MACF1: variants seen among roughly 807,000 people sequenced by gnomAD.
MACF1 encodes microtubule actin crosslinking factor 1.
MACF1 carries 193 observed loss-of-function variants against 854.8 expected under a neutral mutation model. That is an observed-to-expected ratio of 0.23 (90% CI 0.20 to 0.25). The LOEUF (loss-of-function observed/expected upper bound fraction) is 0.25. MACF1 is among the 10% of genes least tolerant of loss of function. The pLI is 1.00. For missense variants in MACF1, 7,722 were observed against 8,929.1 expected (o/e 0.86, Z 5.45); for synonymous variants, 3,185 against 3,226.7 (o/e 0.99, Z 0.44).
chr1:39,300,178 A>C (rs1646011055), intron 21 of MACF1, 32 bp from the exon 22 acceptor site: 5 of 1,608,988 alleles, frequency 3.1e-6, no homozygotes, highest in Middle Eastern at 1.7e-4. Flanking sequence ...TAGCAGCATT[A>C]ATGTCATTTT....
chr1:39,218,594 T>G (rs1351662988), intron 1 of MACF1, among the ~76,000 whole-genome samples: 1 of 152,204 alleles, frequency 6.6e-6, no homozygotes, highest in Non-Finnish European at 1.5e-5. Context: ...CTAAGAACTA[T>G]TGAGCTTTTC....
At chr1:39,390,333 C>T (rs1050471753) in intron 58 of MACF1, among the ~76,000 whole-genome samples, 1 of 152,210 alleles carries the variant, frequency 6.6e-6, no homozygotes. Context: ...GACACCAGCT[C>T]AGAGCCACGT....
At chr1:39,246,620 T>C (rs2148329025) in intron 2 of MACF1, among the ~76,000 whole-genome samples, 1 of 152,144 alleles carries the variant, frequency 6.6e-6, no homozygotes, top group South Asian at 2.1e-4. Context: ...GCGATTCTCC[T>C]GCCTCAGCCT....
chr1:39,429,340 T>C lies in MACF1; in HGVS notation c.16888+14T>C, dbSNP rs1157325709. 3.4e-6 allele frequency: 5 copies of C among 1,479,018 alleles called. No homozygotes were observed. In the Admixed American group the frequency reaches 5.1e-5, roughly 15 times the overall value. The allele number at this position is 1,479,018 out of a possible 1,614,324, so 91.6% of individuals were successfully genotyped here. ...AACAAACCACAGGTACTTTGAAAAG[T>C]GTGTCTCTTAGCACCCCTATGGTCT... On this transcript the variant is annotated intron_variant, in intron 64 of 100. Coordinates refer to ENST00000564288, the MANE Select transcript of MACF1 (RefSeq NM_001394062.1).
chr1:39,135,220 TA>T (rs913856051), intron 2 of MACF1, among the ~76,000 whole-genome samples: 2 of 152,164 alleles, frequency 1.3e-5, no homozygotes, highest in African/African-American at 4.8e-5. Context: ...ATAATATGAT[TA>T]TTTTTGGGTT....
intron 58 of MACF1, among the ~76,000 whole-genome samples, chr1:39,399,303 A>G (rs1168884272): frequency 1.3e-5 from 2 of 151,206 alleles, no homozygotes; most frequent in Non-Finnish European, 2.9e-5. Flanking sequence ...CAGTTACCCC[A>G]GACACTCCTT....
At chr1:39,284,584 A>G (rs1645609397) in intron 11 of MACF1, among the ~76,000 whole-genome samples, 156 bp downstream of exon 11, 1 of 152,162 alleles carries the variant, frequency 6.6e-6, no homozygotes, top group Non-Finnish European at 1.5e-5. Flanking sequence ...CTGGTCTTAA[A>G]ATGTTGTGGT....
In MACF1 at chr1:39,459,175, C is replaced by T. The variant is rs781565338; in HGVS notation, c.21286C>T (p.Arg7096Cys). The part of the protein sequence containing the change: ...KNPRINQLSA[R>C]WQQVWLLALE... ...CCCACGGATCAACCAGCTTTCTGCC[C>T]GCTGGCAGCAGGTGTGGCTGTTAGC... Residue 7096 changes from arginine to cysteine, a missense_variant, in exon 91 of 101, where the codon CGC becomes TGC. Coordinates refer to ENST00000564288, the MANE Select transcript of MACF1 (RefSeq NM_001394062.1). The T allele has an allele frequency of 5.6e-6, 9 of 1,614,116 alleles. No homozygotes were observed. Among genetic ancestry groups the T allele is most frequent in the East Asian group, 2.2e-5 (1 of 44,886 alleles).
Position 39,463,621 on chromosome 1 carries a change from C to G in MACF1, c.21688C>G (p.Gln7230Glu), listed in dbSNP as rs1401838478. 6.2e-7 allele frequency: 1 copy of G among 1,613,312 alleles called. No individual in the cohort carries two copies. Among genetic ancestry groups the G allele is most frequent in the South Asian group, 1.1e-5 (1 of 91,066 alleles). Residue 7230 changes from glutamine to glutamate, a missense_variant, in exon 94 of 101, where the codon CAA (glutamine) becomes GAA (glutamate). By Grantham distance (29) the Gln-to-Glu change is conservative. Coordinates refer to ENST00000564288, the MANE Select transcript of MACF1 (RefSeq NM_001394062.1). ...ADKIEDEVTR[Q>E]VAQCKCAKRF... Reference sequence around the variant, plus strand: ...TGTTCACACCCAATAGGTTACAAGACAAGTGGCTCAGTGCAAATGTGCAAA... The same window carrying G: ...TGTTCACACCCAATAGGTTACAAGAGAAGTGGCTCAGTGCAAATGTGCAAA...
intron 2 of MACF1, among the ~76,000 whole-genome samples, chr1:39,232,835 T>A (rs1342060991): frequency 6.6e-6 from 1 of 150,742 alleles, no homozygotes; most frequent in East Asian, 1.9e-4. Flanking sequence ...CAGGCTGGAG[T>A]ACATTGGGAA....
intron 1 of MACF1, among the ~76,000 whole-genome samples, chr1:39,211,436 A>T (rs2148276828): frequency 6.6e-6 from 1 of 152,280 alleles, no homozygotes; most frequent in African/African-American, 2.4e-5. Context: ...TAAATTTAAA[A>T]AAAATTTCAT....
In MACF1 at chr1:39,282,462, A is replaced by G. The variant is rs997143023; in HGVS notation, c.695+88A>G. On this transcript the variant is annotated intron_variant, in intron 7 of 100. Coordinates refer to ENST00000564288, the MANE Select transcript of MACF1 (RefSeq NM_001394062.1). ...TTATAATACTGTTTCCATCTCCTCA[A>G]TCAAAAATCAAAGCTTTGATTCATT... 7 of 1,301,480 alleles carry G rather than the reference A, an allele frequency of 5.4e-6. No homozygotes were observed. The African/African-American group carries it at 7.5e-5, about 14-fold the overall frequency. The allele number at this position is 1,301,480 out of a possible 1,614,324, so 80.6% of individuals were successfully genotyped here.
chr1:39,250,242 G>C (rs1440527646), intron 3 of MACF1, 139 bp downstream of exon 3: 1 of 497,910 alleles, frequency 2.0e-6, no homozygotes, highest in East Asian at 3.0e-5. Flanking sequence ...AATGTTGGGG[G>C]ACTTTATTTC....
At chr1:39,441,367 GT>G (rs764165597) in intron 74 of MACF1, 42 bp downstream of exon 74, 1 of 1,526,168 alleles carries the variant, frequency 6.6e-7, no homozygotes, top group Admixed American at 1.7e-5. Flanking sequence ...TACAGGTTCT[GT>G]TTTTTGCCAT....
rs774732891 is a variant in MACF1 at position 39,427,467 on chromosome 1, G to A, written c.16329G>A (p.Leu5443=). The change falls in exon 62 of 101, where the codon CTG becomes CTA. Residue 5443 remains leucine, a synonymous_variant. Transcript: ENST00000564288. ...LSKAAARQKQ[L]EDILVLAKQF... The stretch of plus-strand genomic sequence containing the variant: ...TATATTTGTGTAGGCAAAAACAGCT[G>A]GAAGACATCCTGGTTCTGGCCAAAC... The A allele has an allele frequency of 3.1e-6, 5 of 1,613,574 alleles. No individual in the cohort carries two copies. The East Asian group carries it at 1.1e-4, about 36-fold the overall frequency.
At chr1:39,344,202 G>A (rs1270331315) in intron 40 of MACF1, among the ~76,000 whole-genome samples, 1 of 152,074 alleles carries the variant, frequency 6.6e-6, no homozygotes, top group Middle Eastern at 3.2e-3. Flanking sequence ...GAAGGCGGGA[G>A]GATCACCTGA....
intron 23 of MACF1, among the ~76,000 whole-genome samples, chr1:39,307,448 C>T (rs1250111205): frequency 6.6e-6 from 1 of 152,098 alleles, no homozygotes; most frequent in Non-Finnish European, 1.5e-5. Context: ...TGTTTAAGTG[C>T]TTCTCTTTGT....
rs1183761828 is a variant in MACF1 at position 39,460,605 on chromosome 1, T to G, written c.21361-27T>G. The G allele has an allele frequency of 6.2e-7, 1 of 1,612,456 alleles. No homozygotes were observed. The highest frequency in any genetic ancestry group is 1.3e-5 in the African/African-American group (1 of 74,982). ...CTTTTGAGGGCCCAAAAAATAAATC[T>G]TATTGACACTTCTGATTTCTGTGTA... On this transcript the variant is annotated intron_variant, in intron 91 of 100. Transcript: ENST00000564288. The surrounding 1 kb of genome is among the most constrained non-coding windows in gnomAD (Gnocchi z 4.1).
chr1:39,291,836 C>T, intron 15 of MACF1, 74 bp from the exon 16 acceptor site: 1 of 1,500,786 alleles, frequency 6.7e-7, no homozygotes, highest in Non-Finnish European at 8.9e-7. Context: ...GTTCCTTGTC[C>T]TAACATTGGT....
Sources: allele counts gnomAD v4.1 joint callset (sites outside exome capture counted in the v4.1 genomes callset), GRCh38; gene constraint gnomAD v4.1.1; non-coding constraint Gnocchi (gnomAD v3.1); transcripts MANE v1.5; gene names NCBI Gene and HGNC (gene_info 2026-07-23, HGNC 2026-07-21).